TNIP1: variants seen among roughly 807,000 people sequenced by gnomAD.
TNIP1 encodes TNFAIP3-interacting protein 1.
TNIP1 carries 22 observed loss-of-function variants against 86.6 expected under a neutral mutation model. That is an observed-to-expected ratio of 0.25 (90% CI 0.18 to 0.36). The LOEUF (loss-of-function observed/expected upper bound fraction) is 0.36, where lower values mean the gene tolerates loss of function less well. Among genes scored for constraint, TNIP1 ranks in the 10% least tolerant of loss-of-function variants. The probability of loss-of-function intolerance (pLI) is 1.00; values close to 1 mark genes in which losing one functional copy is unlikely to be tolerated. For synonymous variants in TNIP1, 294 were observed against 313.0 expected (o/e 0.94, Z 0.64); for missense variants, 709 against 820.6 (o/e 0.86, Z 1.66).
chr5:151,059,828 A>AGAGAGAGAGAGT (rs1554076446), intron 5 of TNIP1, among the ~76,000 whole-genome samples: 81 of 56,320 alleles, frequency 1.4e-3, no homozygotes, highest in Non-Finnish European at 1.8e-3. Flanking sequence ...AGAGAGAGAG[A>AGAGAGAGAGAGT]GTGTGTGTGT....
At position 151,036,777 on chromosome 5, in the gene TNIP1, C is replaced by T. The variant is rs373802221; in HGVS notation, c.1395+13G>A. 14 of 1,613,830 alleles carry T rather than the reference C, an allele frequency of 8.7e-6. No homozygotes were observed. The highest frequency in any genetic ancestry group is 1.2e-5 in the Non-Finnish European group (14 of 1,179,864). On this transcript the variant is annotated intron_variant, in intron 13 of 17. Coordinates refer to ENST00000521591, the MANE Select transcript of TNIP1 (RefSeq NM_006058.5). ...AGAGCACCTCCCACCTGATTTCCTC[C>T]CGGAAGCCTCACCTGCTGTTTCAGC...
At chr5:151,059,014 C>T (rs573143311) in intron 5 of TNIP1, among the ~76,000 whole-genome samples, 77 of 152,356 alleles carry the variant, frequency 5.1e-4, no homozygotes, top group Non-Finnish European at 1.0e-3. Flanking sequence ...CATTCCCCCA[C>T]TGCCTCTTTC....
intron 1 of TNIP1, among the ~76,000 whole-genome samples, chr5:151,074,467 G>A (rs1236287936): frequency 2.0e-5 from 3 of 152,136 alleles, no homozygotes; most frequent in Non-Finnish European, 2.9e-5. Flanking sequence ...ATCCCTTCTC[G>A]AATGACCCTG....
intron 5 of TNIP1, among the ~76,000 whole-genome samples, chr5:151,057,171 C>T (rs993783474): frequency 2.0e-5 from 3 of 152,262 alleles, no homozygotes; most frequent in Admixed American, 2.0e-4. Context: ...GGCTCCACAG[C>T]AGCGGGGCCA....
At chr5:151,051,986 G>A (rs1759984861) in intron 7 of TNIP1, among the ~76,000 whole-genome samples, 179 bp downstream of exon 7, 1 of 152,102 alleles carries the variant, frequency 6.6e-6, no homozygotes, top group African/African-American at 2.4e-5. Context: ...GTGGCAAAAG[G>A]GCCAGAGAGA....
At chr5:151,064,466 G>A (rs1466908064) in intron 2 of TNIP1, among the ~76,000 whole-genome samples, 1 of 148,548 alleles carries the variant, frequency 6.7e-6, no homozygotes, top group Non-Finnish European at 1.5e-5. Context: ...TCGGTCGTGT[G>A]GAGGGAGGTG....
At chr5:151,031,425 G>A (rs1230680883) in intron 17 of TNIP1, among the ~76,000 whole-genome samples, 1 of 152,158 alleles carries the variant, frequency 6.6e-6, no homozygotes, top group Non-Finnish European at 1.5e-5. Flanking sequence ...GGTGCCTTGT[G>A]CCCCATGAGA....
chr5:151,044,668 G>A (rs1265277153), intron 9 of TNIP1, among the ~76,000 whole-genome samples: 1 of 152,202 alleles, frequency 6.6e-6, no homozygotes, highest in Non-Finnish European at 1.5e-5. Context: ...GAAGCACCTG[G>A]GCTGTGTGGA....
intron 17 of TNIP1, 77 bp downstream of exon 17, chr5:151,032,210 C>T (rs538321229): frequency 9.2e-6 from 12 of 1,305,980 alleles, no homozygotes; most frequent in African/African-American, 1.5e-5. Flanking sequence ...ACGACATCAC[C>T]CCCAAACTCA....
rs759930594 is a variant in TNIP1, at chr5:151,032,311, G to A, written c.1852C>T (p.Pro618Ser). ...PNQSSQVMDP[P>S]TARPTEPESP... ...CCTGGTTCTGTAGGCCTGGCTGTGGGAGGGTCCATCACTTGGGAGCTCTGA... is the reference window on the plus strand; with the variant it reads ...CCTGGTTCTGTAGGCCTGGCTGTGGAAGGGTCCATCACTTGGGAGCTCTGA... The change falls in exon 17 of 18, where the codon CCC becomes TCC. Residue 618 changes from proline (P) to serine (S), a missense_variant. Coordinates refer to ENST00000521591, the MANE Select transcript of TNIP1 (RefSeq NM_006058.5). The A allele has an allele frequency of 1.2e-6, 2 of 1,613,962 alleles. No individual in the cohort carries two copies. The highest frequency in any genetic ancestry group is 1.1e-5 in the South Asian group (1 of 91,082).
upstream of TNIP1, chr5:151,081,115 C>G (rs1248629021): frequency 6.6e-6 from 1 of 152,234 alleles, no homozygotes; most frequent in Non-Finnish European, 1.5e-5. Flanking sequence ...GCGCCGCGCG[C>G]TCCGGGCGGG....
At chr5:151,047,540 T>C (rs1759334722) in intron 8 of TNIP1, among the ~76,000 whole-genome samples, 1 of 152,222 alleles carries the variant, frequency 6.6e-6, no homozygotes, top group Non-Finnish European at 1.5e-5. Context: ...GTCTGTAGTT[T>C]ACTAAGTAGT....
intron 5 of TNIP1, among the ~76,000 whole-genome samples, chr5:151,057,780 AAAC>A (rs1195736928): frequency 1.3e-5 from 2 of 152,182 alleles, no homozygotes; most frequent in Non-Finnish European, 2.9e-5. Flanking sequence ...ATTATTCCCT[AAAC>A]AATACAGTAT....
intron 6 of TNIP1, among the ~76,000 whole-genome samples, chr5:151,053,460 C>T (rs774325244): frequency 4.6e-5 from 7 of 152,160 alleles, no homozygotes; most frequent in Non-Finnish European, 7.3e-5. Flanking sequence ...CTGAGAGGGA[C>T]AGATGAGACA....
chr5:151,055,581 AC>A (rs1361831977), intron 6 of TNIP1, among the ~76,000 whole-genome samples: 3 of 150,054 alleles, frequency 2.0e-5, no homozygotes, highest in Non-Finnish European at 4.4e-5. Context: ...CTCCCAACAC[AC>A]CCCTCCCCTC....
At chr5:151,045,203 C>G (rs955753495) in intron 9 of TNIP1, among the ~76,000 whole-genome samples, 3 of 152,162 alleles carry the variant, frequency 2.0e-5, no homozygotes, top group Non-Finnish European at 4.4e-5. Context: ...GTAATTCTCC[C>G]TGCCTCAGTC....
upstream of TNIP1, among the ~76,000 whole-genome samples, chr5:151,083,368 C>T (rs1764154795): frequency 6.6e-6 from 1 of 152,188 alleles, no homozygotes; most frequent in Non-Finnish European, 1.5e-5. Flanking sequence ...TAGAACTTGG[C>T]TCTTAAACTC....
chr5:151,056,913 G>A lies in TNIP1; in HGVS notation c.480C>T (p.His160=), dbSNP rs1295787241. Residue 160 remains histidine (H), a synonymous_variant, in exon 6 of 18, where the codon CAC becomes CAT. Coordinates refer to ENST00000521591, the MANE Select transcript of TNIP1 (RefSeq NM_006058.5). ...TCAGCGTGGTCTCCAGGCGCTGCAG[G>A]TGCAGCATCAGGTTGCCGTCCTCAC... ...LPREDGNLML[H]LQRLETTLSV... The A allele has an allele frequency of 2.5e-6, 4 of 1,591,054 alleles. No homozygotes were observed. Among genetic ancestry groups the A allele is most frequent in the South Asian group, 1.1e-5 (1 of 88,564 alleles).
upstream of TNIP1, among the ~76,000 whole-genome samples, chr5:151,081,499 C>T (rs866721743): frequency 6.6e-6 from 1 of 152,206 alleles, no homozygotes; most frequent in African/African-American, 2.4e-5. Context: ...CTCCAGGACT[C>T]TTCTTAACAA....
Sources: gnomAD v4.1 joint callset for allele counts (sites outside exome capture counted in the v4.1 genomes callset) on GRCh38, gnomAD v4.1.1 for gene constraint, MANE v1.5 for transcripts, NCBI Gene and HGNC (gene_info 2026-07-23, HGNC 2026-07-21) for gene names.